Variants in KSR1 observed in about 807,000 individuals in gnomAD.
The protein encoded by KSR1 is kinase suppressor of ras 1.
KSR1 carries 35 observed loss-of-function variants against 92.9 expected under a neutral mutation model. That is an observed-to-expected ratio of 0.38 (90% confidence interval 0.29 to 0.50). The LOEUF is 0.50. Ranked by LOEUF, KSR1 falls within the 20% of genes least tolerant of loss-of-function variation. KSR1 has a pLI of 0.94. For synonymous variants in KSR1, 467 were observed against 472.6 expected (o/e 0.99, Z 0.15); for missense variants, 972 against 1,158.5 (o/e 0.84, Z 2.34).
chr17:27,520,197 T>C (rs2151018865), intron 1 of KSR1, among the ~76,000 whole-genome samples: 1 of 152,358 alleles, frequency 6.6e-6, no homozygotes, highest in African/African-American at 2.4e-5. Flanking sequence ...CAAGTTCATG[T>C]AGCAAATGGA....
rs143622168 is a variant in KSR1, at chr17:27,524,777, GAA to G, written c.232-25787_232-25786del. Among the ~76,000 whole-genome samples the G allele has an allele frequency of 6.9e-3, 1,051 of 152,296 alleles. 12 individuals are homozygous for G. The highest frequency in any genetic ancestry group is 0.024 in the African/African-American group (1,003 of 41,564). ...CTCCAGTAGCAATTATAGGAGCAGA[GAA>G]AAAGAGATTACCCAGGATTAGAAGG... is the stretch of plus-strand genomic sequence containing the variant. On this transcript the variant is annotated intron_variant, in intron 1 of 20. Coordinates refer to ENST00000644974, the MANE Select transcript of KSR1 (RefSeq NM_001394583.1).
intron 1 of KSR1, among the ~76,000 whole-genome samples, chr17:27,509,416 G>A (rs1014745619): frequency 6.6e-6 from 1 of 151,802 alleles, no homozygotes; most frequent in African/African-American, 2.4e-5. Context: ...TCAGCCTCCC[G>A]GGTAGCTGGG....
At chr17:27,591,454 C>T (rs1464959635) in intron 7 of KSR1, among the ~76,000 whole-genome samples, 7 of 152,234 alleles carry the variant, frequency 4.6e-5, no homozygotes, top group African/African-American at 1.7e-4. Flanking sequence ...GCCCAGCCCA[C>T]TCTGCCCCTG....
chr17:27,555,435 C>T (rs1370984266), intron 2 of KSR1, among the ~76,000 whole-genome samples: 1 of 152,056 alleles, frequency 6.6e-6, no homozygotes, highest in East Asian at 1.9e-4. Flanking sequence ...CAAGTTCTTC[C>T]AGCTTTGGCC....
intron 9 of KSR1, among the ~76,000 whole-genome samples, chr17:27,595,913 C>T (rs557059165): frequency 6.6e-6 from 1 of 152,218 alleles, no homozygotes; most frequent in East Asian, 1.9e-4. Flanking sequence ...TGGGCAAAGC[C>T]CTTGGCTTCC....
intron 2 of KSR1, chr17:27,566,607 C>T (rs775638534): frequency 2.5e-6 from 1 of 399,048 alleles, no homozygotes; most frequent in Non-Finnish European, 4.4e-6. Flanking sequence ...GGAGGCCATT[C>T]CACAGCTCCC....
At chr17:27,599,841 C>CT (rs1273649526) in intron 10 of KSR1, among the ~76,000 whole-genome samples, 1 of 151,716 alleles carries the variant, frequency 6.6e-6, no homozygotes, top group African/African-American at 2.4e-5. Context: ...TTTTTATAAG[C>CT]TTTTTTCTAT....
intron 1 of KSR1, among the ~76,000 whole-genome samples, chr17:27,501,479 T>G (rs1159378599): frequency 6.6e-6 from 1 of 151,988 alleles, no homozygotes; most frequent in Non-Finnish European, 1.5e-5. Flanking sequence ...GCAGAGACCT[T>G]CGTGGCAGCC....
chr17:27,610,163 G>A lies in KSR1; in HGVS notation c.2322G>A (p.Leu774=). 3 of 1,614,050 alleles carry A rather than the reference G, an allele frequency of 1.9e-6. No individual in the cohort carries two copies. Among genetic ancestry groups the A allele is most frequent in the South Asian group, 1.1e-5 (1 of 91,082 alleles). The part of the protein sequence containing the change: ...EMTPGKDEDQ[L]PFSKAADVYA... ...CCCCCGGGAAGGACGAGGATCAGCT[G>A]CCATTCTCCAAAGCTGCTGATGTCT... The change falls in exon 17 of 21, where the codon CTG becomes CTA. Residue 774 remains leucine, a synonymous_variant. Transcript: ENST00000644974.
At chr17:27,543,965 C>T (rs570745379) in intron 1 of KSR1, among the ~76,000 whole-genome samples, 3 of 152,320 alleles carry the variant, frequency 2.0e-5, no homozygotes, top group Non-Finnish European at 4.4e-5. Context: ...CCCATATCTT[C>T]TGTATTGCCT....
At chr17:27,580,205 T>C (rs1275830215) in intron 3 of KSR1, among the ~76,000 whole-genome samples, 1 of 152,166 alleles carries the variant, frequency 6.6e-6, no homozygotes, top group African/African-American at 2.4e-5. Flanking sequence ...ACTCATAGAT[T>C]CATGAAATTC....
At chr17:27,594,421 C>T (rs866491414) in intron 9 of KSR1, among the ~76,000 whole-genome samples, 3 of 152,150 alleles carry the variant, frequency 2.0e-5, no homozygotes, top group Middle Eastern at 3.4e-3. Context: ...GCCTGTGGGT[C>T]CTGCACGACC....
chr17:27,609,527 C>T (rs1351501824), intron 16 of KSR1, among the ~76,000 whole-genome samples, 198 bp downstream of exon 16: 6 of 152,200 alleles, frequency 3.9e-5, no homozygotes, highest in African/African-American at 1.2e-4. Flanking sequence ...CCGACTTCCA[C>T]GGAAACCAGG....
intron 2 of KSR1, among the ~76,000 whole-genome samples, chr17:27,558,531 C>T (rs111732507): frequency 8.5e-5 from 13 of 152,134 alleles, no homozygotes; most frequent in African/African-American, 3.1e-4. Context: ...AAGATGAGAG[C>T]CCGTGCCCAG....
At chr17:27,479,595 C>T (rs910414311) in intron 1 of KSR1, among the ~76,000 whole-genome samples, 1 of 152,168 alleles carries the variant, frequency 6.6e-6, no homozygotes, top group African/African-American at 2.4e-5. Flanking sequence ...TCAGTTGAGA[C>T]CCCTTCATCT....
At chr17:27,476,483 G>A (rs1228010186) in intron 1 of KSR1, among the ~76,000 whole-genome samples, 2 of 152,190 alleles carry the variant, frequency 1.3e-5, no homozygotes, top group African/African-American at 4.8e-5. Context: ...TTCTCAGGGA[G>A]CGCCCCTGCC....
In KSR1 at chr17:27,582,628, C is replaced by T; in HGVS notation, c.521-18C>T. Reference sequence around the variant, plus strand: ...CTTCCAGCCCTGACCATCTGTGACTCCACGTCTTGGTCCACAGGAGGGGAG... The same window carrying T: ...CTTCCAGCCCTGACCATCTGTGACTTCACGTCTTGGTCCACAGGAGGGGAG... On this transcript the variant is annotated intron_variant, in intron 3 of 20. Transcript: ENST00000644974. 4 of 1,590,472 alleles carry T rather than the reference C, an allele frequency of 2.5e-6. No individual in the cohort carries two copies. The highest frequency in any genetic ancestry group is 3.4e-6 in the Non-Finnish European group (4 of 1,165,826).
intron 1 of KSR1, among the ~76,000 whole-genome samples, chr17:27,498,337 CAAAAAAAAA>C (rs761230745): frequency 1.9e-5 from 1 of 52,286 alleles, no homozygotes; most frequent in Non-Finnish European, 4.5e-5. Context: ...GACTCAGTCT[CAAAAAAAAA>C]AAAAAAAAAA....
intron 2 of KSR1, among the ~76,000 whole-genome samples, chr17:27,555,486 T>C (rs1009489437): frequency 1.3e-5 from 2 of 150,212 alleles, no homozygotes; most frequent in African/African-American, 4.9e-5. Flanking sequence ...CTCTGTGACA[T>C]TGCCCATCCT....
Sources: allele counts gnomAD v4.1 joint callset (sites outside exome capture counted in the v4.1 genomes callset), GRCh38; gene constraint gnomAD v4.1.1; transcripts MANE v1.5; gene names NCBI Gene and HGNC (gene_info 2026-07-23, HGNC 2026-07-21).